Variants in PCNX1 observed in about 807,000 individuals in gnomAD.
PCNX1 encodes pecanex-like protein 1.
Under a neutral mutation model 242.2 loss-of-function variants are expected in PCNX1, and 78 were observed. The observed-to-expected ratio is 0.32, with a 90% CI of 0.27 to 0.39. The LOEUF (loss-of-function observed/expected upper bound fraction) is 0.39. Among genes scored for constraint, PCNX1 ranks in the 10% least tolerant of loss-of-function variants. PCNX1 has a pLI of 1.00. For synonymous variants in PCNX1, 1,024 were observed against 1,032.9 expected (o/e 0.99, Z 0.17); for missense variants, 2,581 against 2,856.5 (o/e 0.90, Z 2.20).
At chr14:70,988,737 G>T in intron 7 of PCNX1, 38 bp downstream of exon 7, 1 of 1,595,736 alleles carries the variant, frequency 6.3e-7, no homozygotes, top group Non-Finnish European at 8.6e-7. Context: ...TAGCATGCAT[G>T]TAACAACCCT....
intron 26 of PCNX1, among the ~76,000 whole-genome samples, chr14:71,065,330 A>G (rs2141324893): frequency 6.6e-6 from 1 of 152,326 alleles, no homozygotes; most frequent in Non-Finnish European, 1.5e-5. Flanking sequence ...TTGAGATGGT[A>G]TCTCATTGTG....
intron 24 of PCNX1, among the ~76,000 whole-genome samples, chr14:71,054,679 T>C (rs781284951): frequency 1.4e-4 from 22 of 151,850 alleles, no homozygotes; most frequent in Admixed American, 3.3e-4. Flanking sequence ...CAGCTCGGAG[T>C]TCAAGCAGTT....
At chr14:71,067,855 C>T (rs968783245) in intron 26 of PCNX1, among the ~76,000 whole-genome samples, 2 of 151,440 alleles carry the variant, frequency 1.3e-5, no homozygotes, top group Non-Finnish European at 2.9e-5. Flanking sequence ...GCCTTCATTT[C>T]GTTATATATA....
rs372936743 is a variant in PCNX1, at chr14:70,977,176, C to T, written c.839C>T (p.Pro280Leu). ...CACTCTTATAGAAAAGACCACCGGC[C>T]GCGAGGTGTACCACGGACTTCTAGC... ...HSHSYRKDHR[P>L]RGVPRTSSSA... The change falls in exon 6 of 36, where the codon CCG becomes CTG. Residue 280 changes from proline (P) to leucine (L), a missense_variant. Around this residue, in one of 9 missense-constraint regions of PCNX1, gnomAD observed 1,204 missense variants for 1,216.7 expected, o/e 0.99. Transcript: ENST00000304743. The T allele has an allele frequency of 4.0e-5, 64 of 1,614,026 alleles. No homozygotes were observed. Among genetic ancestry groups the T allele is most frequent in the African/African-American group, 4.0e-5 (3 of 74,910 alleles).
chr14:71,057,221 G>A (rs541676655), intron 25 of PCNX1, among the ~76,000 whole-genome samples: 52 of 151,804 alleles, frequency 3.4e-4, no homozygotes, highest in African/African-American at 1.0e-3. Flanking sequence ...GAATAATTAC[G>A]AACTGTTGAA....
intron 13 of PCNX1, among the ~76,000 whole-genome samples, chr14:71,024,878 C>T (rs1386259885): frequency 6.6e-6 from 1 of 152,176 alleles, no homozygotes; most frequent in African/African-American, 2.4e-5. Context: ...GCAAAACCCC[C>T]TCCCACTTTC....
Position 71,108,902 on chromosome 14 carries a change from C to G in PCNX1, c.6600C>G (p.Ile2200Met). 6.2e-7 allele frequency: 1 copy of G among 1,614,258 alleles called. No homozygotes were observed. Among genetic ancestry groups the G allele is most frequent in the Non-Finnish European group, 8.5e-7 (1 of 1,180,046 alleles). ...CCTCCAGCAGCTCCAGCCAAAGCATCCCAGCCTGCAAACATCACACTCTCG... is the reference window on the plus strand; with the variant it reads ...CCTCCAGCAGCTCCAGCCAAAGCATGCCAGCCTGCAAACATCACACTCTCG... ...LPSSSSSSQS[I>M]PACKHHTLVG... is the part of the protein sequence containing the mutation. Residue 2200 changes from isoleucine to methionine, a missense_variant, in exon 34 of 36, where the codon ATC (isoleucine) becomes ATG (methionine). Transcript: ENST00000304743.
At chr14:71,088,483 T>TA in intron 29 of PCNX1, 53 bp downstream of exon 29, 1 of 1,040,798 alleles carries the variant, frequency 9.6e-7, no homozygotes, top group Non-Finnish European at 1.5e-6. Flanking sequence ...CTGTATAGCC[T>TA]AAATCTAAAA....
chr14:71,042,275 G>A (rs77103689), intron 19 of PCNX1, among the ~76,000 whole-genome samples: 2,162 of 152,222 alleles, frequency 0.014, 24 homozygotes, highest in Middle Eastern at 0.034. Flanking sequence ...AGGTGTTGAT[G>A]TTCCCAACTA....
chr14:71,008,650 T>C (rs2810083), intron 8 of PCNX1, among the ~76,000 whole-genome samples: 75,292 of 129,376 alleles, frequency 0.58, 23,208 homozygotes, highest in African/African-American at 0.8. Context: ...AGCGAGACTC[T>C]GTCTCAAAAA....
At chr14:70,985,515 G>A (rs916219005) in intron 6 of PCNX1, among the ~76,000 whole-genome samples, 3 of 152,128 alleles carry the variant, frequency 2.0e-5, no homozygotes, top group Non-Finnish European at 4.4e-5. Flanking sequence ...CGCCAGGCCT[G>A]AAGGTTCCTC....
At chr14:71,018,951 C>A in intron 11 of PCNX1, 58 bp from the exon 12 acceptor site, 2 of 1,398,236 alleles carry the variant, frequency 1.4e-6, no homozygotes, top group South Asian at 1.4e-5. Flanking sequence ...CCCTTTTTTC[C>A]ATTTGGTTAA....
chr14:71,106,515 T>C (rs1350266334), intron 33 of PCNX1, among the ~76,000 whole-genome samples: 3 of 151,820 alleles, frequency 2.0e-5, no homozygotes, highest in Non-Finnish European at 2.9e-5. Context: ...ATAAGACTCT[T>C]GATATATAAT....
At chr14:70,988,220 A>G (rs776119148) in intron 6 of PCNX1, among the ~76,000 whole-genome samples, 11 of 152,228 alleles carry the variant, frequency 7.2e-5, no homozygotes, top group Non-Finnish European at 1.3e-4. Context: ...GGTTGACTTA[A>G]TTAACGGGGT....
At chr14:70,910,276 C>T (rs1365925256) in intron 1 of PCNX1, among the ~76,000 whole-genome samples, 2 of 135,670 alleles carry the variant, frequency 1.5e-5, no homozygotes, top group Admixed American at 7.5e-5. Flanking sequence ...TCATCATTCC[C>T]TTGGTTCGTC....
chr14:70,981,015 T>C (rs10145824), intron 6 of PCNX1, among the ~76,000 whole-genome samples: 83,031 of 151,956 alleles, frequency 0.55, 23,808 homozygotes, highest in East Asian at 0.74. Context: ...AAATAAAGTA[T>C]GCTAAAATAG....
chr14:70,995,946 C>G, intron 8 of PCNX1, 21 bp downstream of exon 8: 1 of 1,584,580 alleles, frequency 6.3e-7, no homozygotes, highest in Non-Finnish European at 8.7e-7. Flanking sequence ...CTTATGTAAT[C>G]TTGATGATAC....
chr14:70,910,974 G>T lies in PCNX1; in HGVS notation c.153+2971G>T, dbSNP rs80329975. The stretch of plus-strand genomic sequence containing the variant: ...AGGGGATGAACCCTAGACCAGGGGT[G>T]GTCAGGACAGAGAATTTGTAAACAT... On this transcript the variant is annotated intron_variant, in intron 1 of 35. Transcript: ENST00000304743. 9.0e-3 allele frequency among the ~76,000 whole-genome samples: 1,368 copies of T among 152,226 alleles called. 10 individuals are homozygous for T. The highest frequency in any genetic ancestry group is 0.012 in the Non-Finnish European group (843 of 68,018).
At chr14:70,966,987 AC>A (rs1374527729) in intron 3 of PCNX1, among the ~76,000 whole-genome samples, 1 of 152,240 alleles carries the variant, frequency 6.6e-6, no homozygotes, top group Non-Finnish European at 1.5e-5. Flanking sequence ...AACTAGAAGA[AC>A]CAAGCTTAAT....
Sources: allele counts gnomAD v4.1 joint callset (sites outside exome capture counted in the v4.1 genomes callset), GRCh38; gene constraint gnomAD v4.1.1; regional missense constraint gnomAD v4.1.1; transcripts MANE v1.5; gene names NCBI Gene and HGNC (gene_info 2026-07-23, HGNC 2026-07-21).